Variants in PDE11A observed in about 807,000 individuals in gnomAD.
PDE11A encodes the protein dual 3',5'-cyclic-AMP and -GMP phosphodiesterase 11A.
PDE11A carries 100 observed loss-of-function variants against 100.5 expected under a neutral mutation model. The ratio of observed to expected loss-of-function variants is 1.00; its 90% CI spans 0.85 to 1.18. PDE11A has a LOEUF of 1.18. Ranked by LOEUF, PDE11A falls within the 50% of genes most tolerant of loss-of-function variation. PDE11A has a pLI of 0.00. For synonymous variants in PDE11A, 381 were observed against 420.8 expected (o/e 0.91, Z 1.16); for missense variants, 1,141 against 1,152.6 (o/e 0.99, Z 0.15).
chr2:178,013,370 G>A (rs1250222791), intron 2 of PDE11A, among the ~76,000 whole-genome samples: 2 of 152,140 alleles, frequency 1.3e-5, no homozygotes, highest in Non-Finnish European at 2.9e-5. Context: ...GGAGAGTTGG[G>A]CCGTCTCAAT....
In PDE11A at chr2:178,072,071, T is replaced by C. The variant is rs1460456015; in HGVS notation, c.367A>G (p.Lys123Glu). 1 of 1,613,914 alleles carries C rather than the reference T, an allele frequency of 6.2e-7. No individual in the cohort carries two copies. Among genetic ancestry groups the C allele is most frequent in the African/African-American group, 1.3e-5 (1 of 74,886 alleles). The change falls in exon 1 of 20, where the codon AAG becomes GAG. Residue 123 changes from lysine to glutamate, a missense_variant. By Grantham distance (56) the Lys-to-Glu change is moderately conservative. Transcript: ENST00000286063. ...QRRASQKELR[K>E]SFARSKAIHV... ...ATGGCCTTGGAGCGGGCAAAACTCT[T>C]CCTTAGCTCTTTCTGAGAAGCTCTC...
At position 177,625,591 on chromosome 2, in the gene PDE11A, A is replaced by G. The variant is rs1216070715; in HGVS notation, c.*3816T>C. 2.0e-5 allele frequency: 3 copies of G among 152,246 alleles called. No individual in the cohort carries two copies. The allele number at this position is 152,246 out of a possible 1,614,324, so 9.4% of individuals were successfully genotyped here. On this transcript the variant is annotated 3_prime_UTR_variant, in exon 20 of 20. Coordinates refer to ENST00000286063, the MANE Select transcript of PDE11A (RefSeq NM_016953.4). ...CGAAAAAGTAGGATGAAGTTATTTC[A>G]ACAATTAATGCCAAGAGACCTGAGG...
chr2:177,681,031 G>A lies in PDE11A; in HGVS notation c.2346-128C>T. 4.6e-6 allele frequency: 3 copies of A among 647,244 alleles called. No individual in the cohort carries two copies. In the South Asian group the frequency reaches 5.3e-5, roughly 11 times the overall value. 40.1% of individuals were successfully genotyped at this position (647,244 alleles called of 1,614,324 possible). A position where few individuals can be genotyped will look rare whatever the true frequency, so the allele number is the denominator to read the frequency against. On this transcript the variant is annotated intron_variant, in intron 15 of 19. Coordinates refer to ENST00000286063, the MANE Select transcript of PDE11A (RefSeq NM_016953.4). ...ACTTGAACCAAGTAACTTAATATTTGAAATCATGAGGCTAAAGCACTATCA... is the reference window on the plus strand; with the variant it reads ...ACTTGAACCAAGTAACTTAATATTTAAAATCATGAGGCTAAAGCACTATCA...
chr2:177,965,439 T>C (rs2085686596), intron 2 of PDE11A, among the ~76,000 whole-genome samples: 1 of 152,158 alleles, frequency 6.6e-6, no homozygotes, highest in Non-Finnish European at 1.5e-5. Context: ...TTTGTCAGGA[T>C]CTATGTCCGG....
At chr2:178,069,061 T>C (rs1006070081) in intron 1 of PDE11A, among the ~76,000 whole-genome samples, 2 of 152,064 alleles carry the variant, frequency 1.3e-5, no homozygotes, top group Admixed American at 6.6e-5. Flanking sequence ...AAAAACAATA[T>C]AAAATAAGGT....
chr2:177,808,468 T>C (rs1375407432), intron 9 of PDE11A, among the ~76,000 whole-genome samples: 4 of 152,268 alleles, frequency 2.6e-5, no homozygotes, highest in Non-Finnish European at 4.4e-5. Flanking sequence ...TGCTAAGCCA[T>C]AGGACTTGGA....
intron 1 of PDE11A, among the ~76,000 whole-genome samples, chr2:178,046,727 A>C (rs2086755837): frequency 6.6e-6 from 1 of 151,626 alleles, no homozygotes; most frequent in African/African-American, 2.4e-5. Flanking sequence ...GATTCTCTTT[A>C]CTCTTCTCGG....
intron 2 of PDE11A, among the ~76,000 whole-genome samples, chr2:177,949,033 T>C (rs1012884285): frequency 2.0e-5 from 3 of 152,206 alleles, no homozygotes; most frequent in Non-Finnish European, 4.4e-5. Context: ...TCACAAGATA[T>C]AAACTAATAT....
At chr2:177,720,197 A>G (rs549854000) in intron 12 of PDE11A, among the ~76,000 whole-genome samples, 1 of 152,296 alleles carries the variant, frequency 6.6e-6, no homozygotes, top group East Asian at 1.9e-4. Context: ...GGGCAGCCTA[A>G]TGGGTATCAA....
At chr2:177,763,282 T>G (rs2082194607) in intron 10 of PDE11A, among the ~76,000 whole-genome samples, 1 of 151,964 alleles carries the variant, frequency 6.6e-6, no homozygotes, top group Non-Finnish European at 1.5e-5. Context: ...CTATTTAAAG[T>G]CAAAACAACT....
chr2:177,744,378 A>T (rs2081917987), intron 10 of PDE11A, among the ~76,000 whole-genome samples: 1 of 151,518 alleles, frequency 6.6e-6, no homozygotes, highest in South Asian at 2.1e-4. Flanking sequence ...AGAGATCAAC[A>T]TGAATCTAAA....
intron 9 of PDE11A, among the ~76,000 whole-genome samples, chr2:177,800,419 C>T (rs1256792060): frequency 1.3e-5 from 2 of 152,130 alleles, no homozygotes; most frequent in African/African-American, 4.8e-5. Flanking sequence ...AATTCTCCCA[C>T]CTTGACCTCC....
In PDE11A at chr2:177,875,886, G is replaced by C. The variant is rs773995449; in HGVS notation, c.1340C>G (p.Pro447Arg). Residue 447 changes from proline (P) to arginine (R), a missense_variant, in exon 5 of 20, where the codon CCA (proline) becomes CGA (arginine). Coordinates refer to ENST00000286063, the MANE Select transcript of PDE11A (RefSeq NM_016953.4). ...KFTKSFELMS[P>R]KCSADAENSF... ...GTTCTCAGCATCAGCACTGCACTTT[G>C]GGGACATCAATTCAAAGGATTTGGT... is the stretch of plus-strand genomic sequence containing the variant. 6 of 1,611,914 alleles carry C rather than the reference G, an allele frequency of 3.7e-6. No individual in the cohort carries two copies. Among genetic ancestry groups the C allele is most frequent in the African/African-American group, 1.3e-5 (1 of 74,858 alleles).
chr2:178,104,301 C>T lies in PDE11A; in HGVS notation c.162+1G>A. On this transcript the variant is annotated splice_donor_variant, in intron 2 of 20. Transcript: ENST00000358450. LOFTEE classifies it high-confidence loss of function. ...TCTCTCCCACAACTGCTAGTTTTTA[C>T]CTTTGTTTTTGTTTGCCTCTGTATA... The T allele has an allele frequency of 6.2e-7, 1 of 1,613,460 alleles. No homozygotes were observed. Among genetic ancestry groups the T allele is most frequent in the Non-Finnish European group, 8.5e-7 (1 of 1,179,488 alleles).
chr2:177,640,812 G>A (rs1028081523), intron 19 of PDE11A, among the ~76,000 whole-genome samples: 7 of 152,062 alleles, frequency 4.6e-5, no homozygotes, highest in Non-Finnish European at 1.0e-4. Context: ...TTCCTCTTAC[G>A]TTTACTCTGT....
chr2:178,008,793 C>T (rs937880992), intron 2 of PDE11A, among the ~76,000 whole-genome samples: 3 of 152,156 alleles, frequency 2.0e-5, no homozygotes, highest in African/African-American at 7.2e-5. Flanking sequence ...CAGCCAGCCC[C>T]TCAGCAACCA....
chr2:177,929,743 G>C (rs1005940562), intron 2 of PDE11A, among the ~76,000 whole-genome samples: 2 of 152,164 alleles, frequency 1.3e-5, no homozygotes, highest in Non-Finnish European at 2.9e-5. Flanking sequence ...ACTTTATAAA[G>C]CTTTCCCCCC....
At chr2:177,792,125 C>T (rs2082641855) in intron 9 of PDE11A, among the ~76,000 whole-genome samples, 1 of 152,192 alleles carries the variant, frequency 6.6e-6, no homozygotes, top group Non-Finnish European at 1.5e-5. Flanking sequence ...AATTGCATTA[C>T]TCCTCTCATT....
chr2:177,998,380 CT>C (rs1402959771), intron 2 of PDE11A: 2 of 838,072 alleles, frequency 2.4e-6, no homozygotes, highest in Admixed American at 1.7e-5. Context: ...CCTAAAGTCC[CT>C]TTTCCATCCA....
Sources: allele counts gnomAD v4.1 joint callset (sites outside exome capture counted in the v4.1 genomes callset), GRCh38; gene constraint gnomAD v4.1.1; transcripts MANE v1.5; gene names NCBI Gene and HGNC (gene_info 2026-07-23, HGNC 2026-07-21).